The following ERC1 variants were observed in gnomAD, a reference collection of about 807,000 sequenced individuals.
ERC1 encodes the protein ELKS/RAB6-interacting/CAST family member 1.
A neutral mutation model predicts 132.0 loss-of-function variants in ERC1; 56 were observed. The ratio of observed to expected loss-of-function variants is 0.42; its 90% CI spans 0.34 to 0.53. The LOEUF (loss-of-function observed/expected upper bound fraction) is 0.53, where lower values mean the gene tolerates loss of function less well. ERC1 is among the 20% of genes least tolerant of loss of function. The pLI is 0.03. For missense variants in ERC1, 1,202 were observed against 1,349.9 expected, an observed-to-expected ratio of 0.89 and a Z score of 1.72; for synonymous variants, 478 against 476.1, an observed-to-expected ratio of 1.00 and a Z score of -0.05.
intron 1 of ERC1, among the ~76,000 whole-genome samples, chr12:1,016,694 G>C (rs1017372708): frequency 2.7e-5 from 4 of 149,912 alleles, no homozygotes; most frequent in African/African-American, 9.9e-5. Context: ...ACCCAGGCTG[G>C]AGTGCAGTGG....
intron 2 of ERC1, among the ~76,000 whole-genome samples, chr12:1,059,498 A>G (rs1415205149): frequency 6.6e-6 from 1 of 152,076 alleles, no homozygotes; most frequent in Non-Finnish European, 1.5e-5. Flanking sequence ...GATTATGTTG[A>G]GGTATGTTCC....
intron 16 of ERC1, among the ~76,000 whole-genome samples, chr12:1,400,953 T>TTTTTTTTTTG (rs1477365626): frequency 6.6e-5 from 6 of 90,342 alleles, no homozygotes; most frequent in Admixed American, 1.2e-4. Flanking sequence ...TTTTTTTTTT[T>TTTTTTTTTTG]GTGACGGAGT....
intron 18 of ERC1, among the ~76,000 whole-genome samples, chr12:1,464,922 T>A (rs2093715168): frequency 6.6e-6 from 1 of 152,120 alleles, no homozygotes; most frequent in Non-Finnish European, 1.5e-5. Flanking sequence ...TGAAATATTT[T>A]ATAAAAATAT....
intron 15 of ERC1, among the ~76,000 whole-genome samples, chr12:1,348,842 C>T (rs1259020711): frequency 2.0e-5 from 3 of 152,046 alleles, no homozygotes; most frequent in South Asian, 4.2e-4. Flanking sequence ...CATTTCCTTC[C>T]TCTGTTTTAT....
chr12:1,017,653 C>T (rs1245909099), intron 1 of ERC1, among the ~76,000 whole-genome samples: 1 of 152,028 alleles, frequency 6.6e-6, no homozygotes, highest in Non-Finnish European at 1.5e-5. Flanking sequence ...CGTGCGCTAT[C>T]ACACCCCGCT....
intron 16 of ERC1, among the ~76,000 whole-genome samples, chr12:1,386,164 C>T (rs922505581): frequency 2.0e-5 from 3 of 150,976 alleles, no homozygotes; most frequent in Admixed American, 6.6e-5. Context: ...CTCAGCCTCC[C>T]GAGTAGCTGG....
intron 16 of ERC1, among the ~76,000 whole-genome samples, chr12:1,394,360 A>G (rs1325779616): frequency 6.6e-6 from 1 of 152,216 alleles, no homozygotes; most frequent in Non-Finnish European, 1.5e-5. Flanking sequence ...AGATTGCGCC[A>G]CTGCACTCTA....
intron 15 of ERC1, among the ~76,000 whole-genome samples, chr12:1,351,654 T>C (rs747661639): frequency 9.2e-5 from 14 of 152,176 alleles, no homozygotes; most frequent in Non-Finnish European, 1.8e-4. Context: ...TTTTATCTTG[T>C]TTTATTTTTG....
intron 13 of ERC1, among the ~76,000 whole-genome samples, chr12:1,255,892 A>G (rs534029164): frequency 4.0e-4 from 60 of 150,642 alleles, no homozygotes; most frequent in Admixed American, 9.9e-4. Flanking sequence ...GCCCACCTCA[A>G]CCTCCCAAAG....
intron 14 of ERC1, among the ~76,000 whole-genome samples, chr12:1,280,507 T>A (rs1279958092): frequency 6.6e-6 from 1 of 152,224 alleles, no homozygotes; most frequent in Non-Finnish European, 1.5e-5. Context: ...TTCTAATCCT[T>A]GTTCTGTGTA....
At chr12:1,382,242 C>A (rs1011551679) in intron 16 of ERC1, among the ~76,000 whole-genome samples, 5 of 152,190 alleles carry the variant, frequency 3.3e-5, no homozygotes, top group East Asian at 1.9e-4. Context: ...TACTTAATAG[C>A]GCCTAACCCT....
At chr12:1,093,955 T>TTATATATATATATATATATATATATATA (rs1469024496) in intron 3 of ERC1, among the ~76,000 whole-genome samples, 1 of 16,140 alleles carries the variant, frequency 6.2e-5, no homozygotes. Flanking sequence ...ATATATATTT[T>TTATATATATATATATATATATATATATA]TCTATATATA....
intron 17 of ERC1, among the ~76,000 whole-genome samples, chr12:1,440,597 C>CCTTTTTTTTTTTTTTT (rs1565445033): frequency 9.0e-6 from 1 of 111,610 alleles, no homozygotes; most frequent in African/African-American, 5.2e-5. Context: ...CTGCCTCAGC[C>CCTTTTTTTTTTTTTTT]TTTTGTGTGT....
intron 12 of ERC1, among the ~76,000 whole-genome samples, chr12:1,205,460 C>G (rs1386277162): frequency 6.6e-6 from 1 of 151,036 alleles, no homozygotes; most frequent in Non-Finnish European, 1.5e-5. Context: ...AAAAGCACCT[C>G]TTTGACTCAA....
chr12:1,258,858 T>C (rs1004979233), intron 13 of ERC1, among the ~76,000 whole-genome samples: 3 of 152,202 alleles, frequency 2.0e-5, no homozygotes, highest in Non-Finnish European at 4.4e-5. Flanking sequence ...GTATAATCCA[T>C]ACATGTTTTG....
chr12:1,134,072 G>A (rs931809094), intron 7 of ERC1, among the ~76,000 whole-genome samples: 11 of 152,064 alleles, frequency 7.2e-5, no homozygotes, highest in Admixed American at 6.6e-5. Flanking sequence ...AAATATTACT[G>A]AACTTTGTTT....
chr12:1,189,635 T>G (rs563800391), intron 11 of ERC1, among the ~76,000 whole-genome samples: 1 of 152,364 alleles, frequency 6.6e-6, no homozygotes, highest in Non-Finnish European at 1.5e-5. Context: ...AGAGATGTGT[T>G]ATTTAAAACA....
At chr12:1,196,869 T>A (rs1181764428) in intron 12 of ERC1, among the ~76,000 whole-genome samples, 6 of 144,030 alleles carry the variant, frequency 4.2e-5, no homozygotes, top group Non-Finnish European at 6.1e-5. Flanking sequence ...ACTCTCTCTC[T>A]CTCTCTCTCT....
At chr12:1,211,915 G>A (rs1394910572) in intron 12 of ERC1, among the ~76,000 whole-genome samples, 1 of 152,008 alleles carries the variant, frequency 6.6e-6, no homozygotes, top group Admixed American at 6.6e-5. Context: ...ATTCACCACA[G>A]GCTCTTTACC....
Sources: gnomAD v4.1 joint callset for allele counts (sites outside exome capture counted in the v4.1 genomes callset) on GRCh38, gnomAD v4.1.1 for gene constraint, MANE v1.5 for transcripts, NCBI Gene and HGNC (gene_info 2026-07-23, HGNC 2026-07-21) for gene names.